COL4A6: variants seen among roughly 807,000 people sequenced by gnomAD.
COL4A6 encodes collagen alpha-6(IV) chain.
A neutral mutation model predicts 126.7 loss-of-function variants in COL4A6; 59 were observed. The observed-to-expected ratio is 0.47, with a 90% CI of 0.38 to 0.58. The LOEUF is 0.58. Ranked by LOEUF, COL4A6 falls within the 20% of genes least tolerant of loss-of-function variation. The pLI is 0.00. For missense variants in COL4A6, 1,285 were observed against 1,337.3 expected (o/e 0.96, Z 0.61); for synonymous variants, 547 against 496.6 (o/e 1.10, Z -1.35).
chrX:108,430,192 T>C (rs1415962078), intron 2 of COL4A6, among the ~76,000 whole-genome samples: 2 of 111,615 alleles, frequency 1.8e-5, no homozygotes, highest in African/African-American at 6.5e-5. Context: ...TAGGAGTTCA[T>C]TAGATAGAAA....
Position 108,268,742 on chromosome X carries a change from G to A in COL4A6, c.144+42006C>T, listed in dbSNP as rs755925286. On this transcript the variant is annotated intron_variant, in intron 3 of 44. Transcript: ENST00000334504. ...TGGTAGTTGTACGGCTCTTTCTCCC[G>A]AGCAATGAGCCAGCATGACATTTGA... 23 of 141,714 alleles carry A rather than the reference G, an allele frequency of 1.6e-4. No homozygotes were observed. The South Asian group carries it at 4.2e-3, about 26-fold the overall frequency. The allele number at this position is 141,714 out of a possible 1,213,427, so 11.7% of individuals were successfully genotyped here. A position where few individuals can be genotyped will look rare whatever the true frequency, so the allele number is the denominator to read the frequency against.
intron 2 of COL4A6, among the ~76,000 whole-genome samples, chrX:108,367,027 C>T (rs1288684410): frequency 8.9e-6 from 1 of 112,210 alleles, no homozygotes; most frequent in Non-Finnish European, 1.9e-5. Flanking sequence ...TAATTTGAAG[C>T]TCTACGGAAC....
chrX:108,280,757 C>G (rs1172634093), intron 3 of COL4A6, among the ~76,000 whole-genome samples: 1 of 111,369 alleles, frequency 9.0e-6, no homozygotes, highest in Non-Finnish European at 1.9e-5. Context: ...AAAATACTGG[C>G]AAACCGAATC....
At chrX:108,282,757 A>T (rs1183688204) in intron 3 of COL4A6, among the ~76,000 whole-genome samples, 13 of 108,742 alleles carry the variant, frequency 1.2e-4, no homozygotes, top group Non-Finnish European at 2.3e-4. Context: ...CAAATGTCCA[A>T]CAATGATAGA....
rs754465181 is a variant in COL4A6, at chrX:108,214,270, T to G, written c.325-42A>C. 8 of 985,768 alleles carry G rather than the reference T, an allele frequency of 8.1e-6. No individual in the cohort carries two copies. The African/African-American group carries it at 1.4e-4, about 17-fold the overall frequency. The allele number at this position is 985,768 out of a possible 1,213,427, so 81.2% of individuals were successfully genotyped here. A position where few individuals can be genotyped will look rare whatever the true frequency, so the allele number is the denominator to read the frequency against. Reference sequence around the variant, plus strand: ...GAAGGGATCAAGTTAGCCAAAGGACTGTCAGCTATTCTAAATGGCTCCACA... The same window carrying G: ...GAAGGGATCAAGTTAGCCAAAGGACGGTCAGCTATTCTAAATGGCTCCACA... On this transcript the variant is annotated intron_variant, in intron 5 of 44. Transcript: ENST00000334504.
intron 16 of COL4A6, 125 bp from the exon 17 acceptor site, chrX:108,193,822 G>A (rs1228529124): frequency 3.9e-6 from 2 of 509,311 alleles, no homozygotes; most frequent in Non-Finnish European, 3.3e-6. Context: ...AGATTTTCAA[G>A]ATCAACTAGT....
chrX:108,159,165 G>A (rs767515466), intron 44 of COL4A6, among the ~76,000 whole-genome samples: 1 of 111,579 alleles, frequency 9.0e-6, no homozygotes, highest in Non-Finnish European at 1.9e-5. Context: ...AGTGTGTTTT[G>A]CTCTTCCCTT....
chrX:108,171,060 A>G (rs2034285150), intron 33 of COL4A6, 143 bp from the exon 34 acceptor site: 4 of 536,766 alleles, frequency 7.5e-6, no homozygotes, highest in Non-Finnish European at 1.2e-5. Context: ...CTGTTTTCAC[A>G]TTAGAAAGGT....
chrX:108,361,879 T>A (rs2040092375), intron 2 of COL4A6, among the ~76,000 whole-genome samples: 1 of 111,990 alleles, frequency 8.9e-6, no homozygotes, highest in African/African-American at 3.2e-5. Context: ...TCTGTAAGTA[T>A]TTAGAGCATA....
chrX:108,384,050 T>C (rs940479380), intron 2 of COL4A6: 25 of 467,158 alleles, frequency 5.4e-5, no homozygotes, highest in Admixed American at 1.6e-4. Flanking sequence ...GATTTACCTG[T>C]CTATGCATTC....
chrX:108,171,467 G>A lies in COL4A6; in HGVS notation c.3203-6C>T. The A allele has an allele frequency of 1.7e-6, 2 of 1,197,723 alleles. No individual in the cohort carries two copies. The highest frequency in any genetic ancestry group is 2.2e-5 in the Admixed American group (1 of 45,711). ...AACTGTCTGGCCGTTGTCTCCTGAG[G>A]ATTCCAATACATTGTTTAAATGGCC... On this transcript the variant is annotated splice_region_variant and splice_polypyrimidine_tract_variant and intron_variant, in intron 32 of 44. Coordinates refer to ENST00000334504, the MANE Select transcript of COL4A6 (RefSeq NM_033641.4).
intron 40 of COL4A6, among the ~76,000 whole-genome samples, chrX:108,164,000 C>A (rs897592733): frequency 2.7e-5 from 3 of 111,740 alleles, no homozygotes; most frequent in African/African-American, 9.8e-5. Context: ...AGGCATCACA[C>A]AGGGCTTTGC....
chrX:108,231,676 A>G (rs2148293543), intron 3 of COL4A6, among the ~76,000 whole-genome samples: 1 of 111,847 alleles, frequency 8.9e-6, no homozygotes, highest in South Asian at 3.8e-4. Context: ...CTGTCTCTGC[A>G]TTGAATGATG....
At chrX:108,398,848 C>T (rs898103543) in intron 2 of COL4A6, among the ~76,000 whole-genome samples, 4 of 110,901 alleles carry the variant, frequency 3.6e-5, no homozygotes, top group Non-Finnish European at 7.6e-5. Flanking sequence ...TGGAAAATTG[C>T]GAATTTGGAG....
rs762449722 is a variant in COL4A6, at chrX:108,205,700, A to AT, written c.610-6dup. On this transcript the variant is annotated splice_polypyrimidine_tract_variant and splice_region_variant and intron_variant, in intron 9 of 44. Coordinates refer to ENST00000334504, the MANE Select transcript of COL4A6 (RefSeq NM_033641.4). ...ACCAGGAGGCCCTGGAGGACCCTAG[A>AT]TTTTTTTTAAAAATAAGAAAGAGTT... is the stretch of plus-strand genomic sequence containing the variant. The AT allele has an allele frequency of 2.1e-5, 25 of 1,200,505 alleles. No individual in the cohort carries two copies. Among genetic ancestry groups the AT allele is most frequent in the Admixed American group, 6.7e-5 (3 of 44,976 alleles).
intron 3 of COL4A6, among the ~76,000 whole-genome samples, chrX:108,270,466 G>A (rs1037362598): frequency 1.8e-5 from 2 of 112,417 alleles, no homozygotes; most frequent in Admixed American, 9.4e-5. Context: ...ACTGGTCCTA[G>A]GAAGAGAAGG....
At chrX:108,179,921 G>A (rs192348183) in intron 25 of COL4A6, among the ~76,000 whole-genome samples, 5 of 108,442 alleles carry the variant, frequency 4.6e-5, no homozygotes, top group Non-Finnish European at 7.6e-5. Context: ...GCAGATTACC[G>A]GGCCCATCCC....
intron 3 of COL4A6, among the ~76,000 whole-genome samples, chrX:108,297,435 T>A (rs1014100030): frequency 9.0e-6 from 1 of 111,232 alleles, no homozygotes; most frequent in Non-Finnish European, 1.9e-5. Context: ...GGGGCTGTCC[T>A]GTGCATTATA....
At chrX:108,353,225 G>A (rs1461682502) in intron 2 of COL4A6, among the ~76,000 whole-genome samples, 3 of 111,962 alleles carry the variant, frequency 2.7e-5, no homozygotes. Flanking sequence ...TTGTACTCAT[G>A]TAAATTTCCT....
Sources: gnomAD v4.1 joint callset for allele counts (sites outside exome capture counted in the v4.1 genomes callset) on GRCh38, gnomAD v4.1.1 for gene constraint, MANE v1.5 for transcripts, NCBI Gene and HGNC (gene_info 2026-07-23, HGNC 2026-07-21) for gene names.